Variants in TENM3 observed in about 807,000 individuals in gnomAD.
TENM3 encodes teneurin-3.
Under a neutral mutation model 255.1 loss-of-function variants are expected in TENM3, and 63 were observed. The observed-to-expected ratio is 0.25, with a 90% CI of 0.20 to 0.30. The LOEUF (loss-of-function observed/expected upper bound fraction) is 0.30. Ranked by LOEUF, TENM3 falls within the 10% of genes least tolerant of loss-of-function variation. The pLI, the probability that TENM3 is intolerant of heterozygous loss-of-function variation, is 1.00. For synonymous variants in TENM3, 1,306 were observed against 1,322.3 expected (o/e 0.99, Z 0.27); for missense variants, 2,929 against 3,461.1 (o/e 0.85, Z 3.86).
intron 19 of TENM3, among the ~76,000 whole-genome samples, chr4:182,743,910 C>T (rs1761793186): frequency 2.0e-5 from 3 of 151,998 alleles, no homozygotes; most frequent in Non-Finnish European, 4.4e-5. Context: ...AACATATTGT[C>T]TTTGCTTTGT....
the TENM3 span, among the ~76,000 whole-genome samples, chr4:182,000,173 T>C: frequency 6.6e-6 from 1 of 152,136 alleles, no homozygotes; most frequent in Non-Finnish European, 1.5e-5. Context: ...AAAGACTGCT[T>C]TTACTCAGAC....
At position 182,376,771 on chromosome 4, in the gene TENM3, C is replaced by CT. The variant is rs545951230; in HGVS notation, c.511+29851dup. On this transcript the variant is annotated intron_variant, in intron 3 of 27. Transcript: ENST00000511685. ...ATTGGGGTTGTTTCTGGTCAAATTA[C>CT]TTTTTTTTTCCTGTGAGTTTTACCT... 6.8e-3 allele frequency among the ~76,000 whole-genome samples: 1,019 copies of CT among 150,634 alleles called. 4 individuals carry two copies. The highest frequency in any genetic ancestry group is 0.01 in the Non-Finnish European group (685 of 67,642).
the TENM3 span, among the ~76,000 whole-genome samples, chr4:182,055,362 A>AATAAATAAATAAAT: frequency 6.6e-6 from 1 of 151,784 alleles, no homozygotes; most frequent in Non-Finnish European, 1.5e-5. Context: ...TAAATAAATA[A>AATAAATAAATAAAT]ATAAATAAAT....
At chr4:182,066,589 G>T in the TENM3 span, among the ~76,000 whole-genome samples, 1 of 25,310 alleles carries the variant, frequency 4.0e-5, no homozygotes, top group Non-Finnish European at 9.1e-5. Context: ...AAGAATTATG[G>T]TAAAAAAAAA....
At chr4:181,452,532 C>T in the TENM3 span, among the ~76,000 whole-genome samples, 3 of 152,020 alleles carry the variant, frequency 2.0e-5, no homozygotes, top group Admixed American at 2.0e-4. Flanking sequence ...CTTGGTGCCA[C>T]CATATGAAGA....
chr4:182,083,959 GAA>G, the TENM3 span, among the ~76,000 whole-genome samples: 1 of 146,656 alleles, frequency 6.8e-6, no homozygotes, highest in Non-Finnish European at 1.5e-5. Flanking sequence ...CACTGCAGTT[GAA>G]AAAAAAAAGT....
At chr4:182,176,511 GA>G (rs1185329120) in intron 1 of TENM3, among the ~76,000 whole-genome samples, 19 of 152,108 alleles carry the variant, frequency 1.2e-4, no homozygotes, top group African/African-American at 4.1e-4. Context: ...TTGAAACATA[GA>G]ATATTTTTTG....
At chr4:181,853,439 T>C in the TENM3 span, among the ~76,000 whole-genome samples, 1 of 152,250 alleles carries the variant, frequency 6.6e-6, no homozygotes. Flanking sequence ...TAAATGATCC[T>C]ATAACATTTG....
the TENM3 span, among the ~76,000 whole-genome samples, chr4:182,113,195 G>C: frequency 6.6e-6 from 1 of 152,228 alleles, no homozygotes; most frequent in South Asian, 2.1e-4. Flanking sequence ...TGCTTCCGGA[G>C]ACAACACTGG....
At chr4:182,496,752 T>G (rs574673110) in intron 3 of TENM3, among the ~76,000 whole-genome samples, 9 of 152,350 alleles carry the variant, frequency 5.9e-5, no homozygotes, top group African/African-American at 2.2e-4. Flanking sequence ...GCTTTACGAT[T>G]TATCATAAAA....
chr4:181,511,743 C>G, the TENM3 span, among the ~76,000 whole-genome samples: 14 of 152,138 alleles, frequency 9.2e-5, no homozygotes, highest in Non-Finnish European at 2.1e-4. Flanking sequence ...GCTCTGGGGA[C>G]CTGCTAGGAG....
At chr4:182,637,475 G>A (rs1751937449) in intron 5 of TENM3, among the ~76,000 whole-genome samples, 1 of 152,116 alleles carries the variant, frequency 6.6e-6, no homozygotes, top group African/African-American at 2.4e-5. Context: ...AATGCCTGAT[G>A]ATCATGCCTG....
the TENM3 span, among the ~76,000 whole-genome samples, chr4:182,009,693 C>T: frequency 6.6e-6 from 1 of 152,166 alleles, no homozygotes; most frequent in African/African-American, 2.4e-5. Flanking sequence ...CTCCAAGGAG[C>T]TTAAATGGCT....
the TENM3 span, among the ~76,000 whole-genome samples, chr4:181,851,633 C>T: frequency 1.3e-5 from 2 of 152,058 alleles, no homozygotes; most frequent in African/African-American, 4.8e-5. Context: ...CACGCATGCA[C>T]ACATGCACAC....
intron 6 of TENM3, among the ~76,000 whole-genome samples, chr4:182,672,306 G>A (rs1755288118): frequency 6.6e-6 from 1 of 152,164 alleles, no homozygotes; most frequent in African/African-American, 2.4e-5. Context: ...AAAGATCAGT[G>A]TGGTCAGAAG....
chr4:182,447,535 T>A (rs547046132), intron 3 of TENM3, among the ~76,000 whole-genome samples: 2 of 152,226 alleles, frequency 1.3e-5, no homozygotes, highest in Non-Finnish European at 2.9e-5. Flanking sequence ...TTGTCTTTAC[T>A]GGAGGAAAGA....
At chr4:182,287,982 G>T (rs1313462586) in intron 1 of TENM3, among the ~76,000 whole-genome samples, 1 of 151,798 alleles carries the variant, frequency 6.6e-6, no homozygotes, top group Non-Finnish European at 1.5e-5. Flanking sequence ...TTGTTACCCA[G>T]GCTGGAGTGC....
At chr4:181,917,117 C>T in the TENM3 span, among the ~76,000 whole-genome samples, 319 of 152,234 alleles carry the variant, frequency 2.1e-3, no homozygotes, top group African/African-American at 7.1e-3. Flanking sequence ...CTACTATGTG[C>T]CTGGCGCTCT....
At chr4:181,902,272 T>C in the TENM3 span, among the ~76,000 whole-genome samples, 2 of 151,912 alleles carry the variant, frequency 1.3e-5, no homozygotes, top group South Asian at 4.2e-4. Flanking sequence ...ATCAGATGGG[T>C]AGATTGCAAA....
Sources: allele counts gnomAD v4.1 joint callset (sites outside exome capture counted in the v4.1 genomes callset), GRCh38; gene constraint gnomAD v4.1.1; transcripts MANE v1.5; gene names NCBI Gene and HGNC (gene_info 2026-07-23, HGNC 2026-07-21).